CDKAL1: variants seen among roughly 807,000 people sequenced by gnomAD.
CDKAL1 encodes CDKAL1 threonylcarbamoyladenosine tRNA methylthiotransferase, also known as threonylcarbamoyladenosine tRNA methylthiotransferase.
CDKAL1 carries 32 observed loss-of-function variants against 68.2 expected under a neutral mutation model. The ratio of observed to expected loss-of-function variants is 0.47; its 90% CI spans 0.35 to 0.63. The LOEUF (loss-of-function observed/expected upper bound fraction) is 0.63. Among genes scored for constraint, CDKAL1 ranks in the 30% least tolerant of loss-of-function variants. The probability of loss-of-function intolerance (pLI) is 0.00; values close to 1 mark genes in which losing one functional copy is unlikely to be tolerated. For missense variants in CDKAL1, 606 were observed against 696.7 expected (o/e 0.87, Z 1.47); for synonymous variants, 234 against 244.3 (o/e 0.96, Z 0.39).
intron 12 of CDKAL1, among the ~76,000 whole-genome samples, chr6:21,068,245 T>G (rs1444072627): frequency 6.6e-6 from 1 of 152,158 alleles, no homozygotes; most frequent in Non-Finnish European, 1.5e-5. Context: ...TTTTTTTATG[T>G]TAGTGCTTTT....
At chr6:20,935,986 AC>A (rs1385096678) in intron 9 of CDKAL1, among the ~76,000 whole-genome samples, 6 of 152,148 alleles carry the variant, frequency 3.9e-5, no homozygotes, top group African/African-American at 1.4e-4. Context: ...ACACTGCTGC[AC>A]CTTGTCCCAT....
intron 13 of CDKAL1, among the ~76,000 whole-genome samples, chr6:21,113,826 G>C (rs1774249666): frequency 1.3e-5 from 2 of 152,050 alleles, no homozygotes; most frequent in East Asian, 1.9e-4. Context: ...TGTAGTCCCA[G>C]GTACTTGAGA....
intron 5 of CDKAL1, among the ~76,000 whole-genome samples, chr6:20,721,202 A>G (rs1485662612): frequency 6.6e-6 from 1 of 150,608 alleles, no homozygotes; most frequent in Admixed American, 6.6e-5. Context: ...ATAAGTGAGA[A>G]CATGTGGTGT....
rs542058889 is a variant in CDKAL1, at chr6:21,212,930, G to A, written c.1548+11656G>A. 3.3e-5 allele frequency among the ~76,000 whole-genome samples: 5 copies of A among 152,224 alleles called. No individual in the cohort carries two copies. In the South Asian group the frequency reaches 1.0e-3, roughly 32 times the overall value. On this transcript the variant is annotated intron_variant, in intron 15 of 15. Transcript: ENST00000274695. ...ATAGGAAGCCAACCTAAAAATTTAA[G>A]ATGTAGCACCTTGCAAATTTGCCAA...
intron 9 of CDKAL1, among the ~76,000 whole-genome samples, chr6:20,916,357 C>G: frequency 6.6e-6 from 1 of 152,112 alleles, no homozygotes; most frequent in East Asian, 1.9e-4. Context: ...CTCTGTGAGT[C>G]AGACTAATTC....
At chr6:20,662,024 A>G (rs1052151626) in intron 5 of CDKAL1, among the ~76,000 whole-genome samples, 2 of 152,176 alleles carry the variant, frequency 1.3e-5, no homozygotes, top group African/African-American at 4.8e-5. Flanking sequence ...GTGATTTCCT[A>G]TTGTTTTGGT....
At chr6:20,897,678 T>G (rs1481188074) in intron 9 of CDKAL1, among the ~76,000 whole-genome samples, 1 of 152,116 alleles carries the variant, frequency 6.6e-6, no homozygotes, top group Non-Finnish European at 1.5e-5. Flanking sequence ...AAAGTCTTCG[T>G]GTATGTGTAG....
Position 20,697,653 on chromosome 6 carries a change from T to C in CDKAL1, c.372-41866T>C, listed in dbSNP as rs185516801. On this transcript the variant is annotated intron_variant, in intron 5 of 15. Transcript: ENST00000274695. ...GGCAAAAGTTTTCATACCGTTTCAA[T>C]TGGATTTCTGGAAGGCCACCCATGG... Among the ~76,000 whole-genome samples the C allele has an allele frequency of 2.5e-4, 38 of 152,340 alleles. No individual in the cohort carries two copies. The East Asian group carries it at 4.2e-3, about 17-fold the overall frequency.
At chr6:20,745,228 C>T (rs984550319) in intron 6 of CDKAL1, among the ~76,000 whole-genome samples, 29 of 152,148 alleles carry the variant, frequency 1.9e-4, no homozygotes, top group African/African-American at 6.5e-4. Context: ...ATTTCAAATG[C>T]GAGCACTTTA....
At chr6:21,092,344 C>T (rs7762964) in intron 12 of CDKAL1, among the ~76,000 whole-genome samples, 46,705 of 150,520 alleles carry the variant, frequency 0.31, 7,579 homozygotes, top group African/African-American at 0.38. Context: ...GTTTGCTGCA[C>T]CTGTCAACCC....
chr6:21,113,879 G>T (rs911261868), intron 13 of CDKAL1, among the ~76,000 whole-genome samples: 3 of 151,952 alleles, frequency 2.0e-5, no homozygotes, highest in Admixed American at 1.3e-4. Context: ...AGTCCAGGCT[G>T]CAGTGAGCCA....
chr6:20,752,279 T>C (rs1353082393), intron 6 of CDKAL1, among the ~76,000 whole-genome samples: 1 of 152,178 alleles, frequency 6.6e-6, no homozygotes, highest in East Asian at 1.9e-4. Flanking sequence ...ATCTTTCTTT[T>C]TAAGGTCCTG....
chr6:21,218,675 A>G (rs1414689356), intron 15 of CDKAL1, among the ~76,000 whole-genome samples: 1 of 152,296 alleles, frequency 6.6e-6, no homozygotes, highest in East Asian at 1.9e-4. Flanking sequence ...GGACTTCTGC[A>G]TAGTGCAGCT....
intron 9 of CDKAL1, among the ~76,000 whole-genome samples, chr6:20,892,631 A>G (rs1172015366): frequency 6.6e-6 from 1 of 152,142 alleles, no homozygotes; most frequent in Non-Finnish European, 1.5e-5. Context: ...ATTACACAAA[A>G]CATGTACTCA....
intron 13 of CDKAL1, among the ~76,000 whole-genome samples, chr6:21,108,717 A>G (rs1320679420): frequency 2.0e-5 from 3 of 152,120 alleles, no homozygotes; most frequent in Non-Finnish European, 4.4e-5. Context: ...GAAAAGACAC[A>G]TTTTGGGGTG....
chr6:20,758,577 G>GTTT lies in CDKAL1; in HGVS notation c.469-7_469-5dup, dbSNP rs34291318. 48 of 1,324,686 alleles carry GTTT rather than the reference G, an allele frequency of 3.6e-5. No individual in the cohort carries two copies. The highest frequency in any genetic ancestry group is 1.5e-4 in the Admixed American group (7 of 47,694). The allele number at this position is 1,324,686 out of a possible 1,614,324, so 82.1% of individuals were successfully genotyped here. The stretch of plus-strand genomic sequence containing the variant: ...CTTCGTGTAAATTACTTGTGTAATC[G>GTTT]TTTTTTTTTTTTTCCAGGTTCAGCA... On this transcript the variant is annotated splice_polypyrimidine_tract_variant and intron_variant, in intron 6 of 15. Coordinates refer to ENST00000274695, the MANE Select transcript of CDKAL1 (RefSeq NM_017774.3).
chr6:20,878,081 C>T (rs1257770440), intron 9 of CDKAL1, among the ~76,000 whole-genome samples: 1 of 152,190 alleles, frequency 6.6e-6, no homozygotes, highest in African/African-American at 2.4e-5. Context: ...TTTCTTCCTT[C>T]TTGGCAATAC....
intron 5 of CDKAL1, among the ~76,000 whole-genome samples, chr6:20,738,901 G>C (rs1384555952): frequency 2.6e-5 from 4 of 152,168 alleles, no homozygotes; most frequent in Non-Finnish European, 5.9e-5. Flanking sequence ...AAATATGTTT[G>C]TATGTACAAA....
chr6:20,983,437 T>C (rs1383734719), intron 10 of CDKAL1, among the ~76,000 whole-genome samples: 2 of 152,264 alleles, frequency 1.3e-5, no homozygotes, highest in South Asian at 2.1e-4. Context: ...CTATACAATA[T>C]AGGCCGGGTG....
Sources: gnomAD v4.1 joint callset for allele counts (sites outside exome capture counted in the v4.1 genomes callset) on GRCh38, gnomAD v4.1.1 for gene constraint, MANE v1.5 for transcripts, NCBI Gene and HGNC (gene_info 2026-07-23, HGNC 2026-07-21) for gene names.